Variants in SCD5 observed in about 807,000 individuals in gnomAD.
SCD5 encodes acyl-CoA-desaturase 4.
A neutral mutation model predicts 30.4 loss-of-function variants in SCD5; 20 were observed. That is an observed-to-expected ratio of 0.66 (90% confidence interval 0.46 to 0.96). The LOEUF (loss-of-function observed/expected upper bound fraction) is 0.96. SCD5 is among the 40% of genes least tolerant of loss of function. SCD5 has a pLI of 0.00. For synonymous variants in SCD5, 173 were observed against 176.4 expected, an observed-to-expected ratio of 0.98 and a Z score of 0.16; for missense variants, 381 against 443.3, an observed-to-expected ratio of 0.86 and a Z score of 1.26.
In SCD5 at chr4:82,719,798, C is replaced by T. The variant is rs142329517; in HGVS notation, c.233-14385G>A. Among the ~76,000 whole-genome samples, 1,090 of 150,266 alleles carry T rather than the reference C, an allele frequency of 7.3e-3. 31 individuals carry two copies. The highest frequency in any genetic ancestry group is 0.026 in the African/African-American group (1,035 of 40,346). On this transcript the variant is annotated intron_variant, in intron 1 of 4. Coordinates refer to ENST00000319540, the MANE Select transcript of SCD5 (RefSeq NM_001037582.3). ...GATTACAGGCATGAGCCACCGCGCC[C>T]GGCCATGATTTTCTTCTTTTTGAGA...
chr4:82,798,608 G>C lies in SCD5; in HGVS notation c.-71C>G, dbSNP rs1211708494. 2 of 1,349,066 alleles carry C rather than the reference G, an allele frequency of 1.5e-6. No individual in the cohort carries two copies. The highest frequency in any genetic ancestry group is 2.0e-6 in the Non-Finnish European group (2 of 1,008,452). 83.6% of individuals were successfully genotyped at this position (1,349,066 alleles called of 1,614,324 possible). Reference sequence around the variant, plus strand: ...CTCTGCCCGAGCGGAGCTCGAGGGTGGGGGCGGGGGCTTCTGCCTTTTAGG... The same window carrying C: ...CTCTGCCCGAGCGGAGCTCGAGGGTCGGGGCGGGGGCTTCTGCCTTTTAGG... On this transcript the variant is annotated 5_prime_UTR_variant, in exon 1 of 5. Coordinates refer to ENST00000319540, the MANE Select transcript of SCD5 (RefSeq NM_001037582.3).
chr4:82,649,385 T>G (rs1002810273), intron 3 of SCD5, among the ~76,000 whole-genome samples: 1 of 152,122 alleles, frequency 6.6e-6, no homozygotes, highest in Admixed American at 6.5e-5. Context: ...CCCTAAAGAA[T>G]TTGTAATTAT....
intron 1 of SCD5, among the ~76,000 whole-genome samples, chr4:82,712,941 C>T (rs549027809): frequency 1.3e-5 from 2 of 152,308 alleles, no homozygotes; most frequent in East Asian, 1.9e-4. Context: ...AAAATCAGAA[C>T]ATTTTCAAGG....
At chr4:82,744,775 A>T (rs933565760) in intron 1 of SCD5, among the ~76,000 whole-genome samples, 1 of 152,044 alleles carries the variant, frequency 6.6e-6, no homozygotes, top group African/African-American at 2.4e-5. Context: ...AAGTTATTGC[A>T]TAATCATAGA....
rs1728557382 is a variant in SCD5 at position 82,680,892 on chromosome 4, G to C, written c.384C>G (p.Ser128=). 1.2e-6 allele frequency: 2 copies of C among 1,612,836 alleles called. No homozygotes were observed. The highest frequency in any genetic ancestry group is 8.5e-7 in the Non-Finnish European group (1 of 1,179,948). ...MAFQNDIFEW[S]RDHRAHHKYS... ...ACTTGTGGTGGGCTCGGTGGTCCCT[G>C]GACCACTCGAAGATGTCATTCTGCA... Residue 128 remains serine, a synonymous_variant, in exon 3 of 5, where the codon TCC becomes TCG. Coordinates refer to ENST00000319540, the MANE Select transcript of SCD5 (RefSeq NM_001037582.3).
intron 1 of SCD5, among the ~76,000 whole-genome samples, chr4:82,796,139 G>A (rs13140275): frequency 0.48 from 71,996 of 151,468 alleles, 21,007 homozygotes; most frequent in Admixed American, 0.65. Flanking sequence ...GCGTGGTGGC[G>A]GGCACCTGTA....
At chr4:82,794,947 G>A (rs570148476) in intron 1 of SCD5, among the ~76,000 whole-genome samples, 27 of 152,202 alleles carry the variant, frequency 1.8e-4, no homozygotes, top group East Asian at 5.8e-4. Flanking sequence ...CACCATGCCC[G>A]GCCGCTTTCT....
intron 1 of SCD5, among the ~76,000 whole-genome samples, chr4:82,740,936 T>A (rs980577972): frequency 9.0e-6 from 1 of 111,142 alleles, no homozygotes; most frequent in African/African-American, 5.8e-5. Flanking sequence ...CCCAATTCTT[T>A]TTTTTTTTTT....
chr4:82,697,039 G>A (rs1415096570), intron 2 of SCD5, among the ~76,000 whole-genome samples: 2 of 152,158 alleles, frequency 1.3e-5, no homozygotes, highest in Non-Finnish European at 2.9e-5. Flanking sequence ...AACCTTCTGT[G>A]GTTCTAAGAC....
chr4:82,736,770 T>C (rs1237800755), intron 1 of SCD5, among the ~76,000 whole-genome samples: 6 of 152,004 alleles, frequency 3.9e-5, no homozygotes, highest in Admixed American at 2.0e-4. Context: ...TCAAGAGATC[T>C]TCCCACCTTA....
At chr4:82,684,680 A>G (rs1728658105) in intron 2 of SCD5, among the ~76,000 whole-genome samples, 1 of 152,286 alleles carries the variant, frequency 6.6e-6, no homozygotes, top group South Asian at 2.1e-4. Flanking sequence ...AACCATCTCA[A>G]CCTTGGGAGG....
intron 4 of SCD5, among the ~76,000 whole-genome samples, chr4:82,633,635 CCAA>C (rs1318383784): frequency 6.6e-6 from 1 of 152,202 alleles, no homozygotes; most frequent in African/African-American, 2.4e-5. Context: ...CACATCCTCA[CCAA>C]CACTTGTTAT....
At chr4:82,721,216 C>G (rs947710216) in intron 1 of SCD5, among the ~76,000 whole-genome samples, 1 of 152,050 alleles carries the variant, frequency 6.6e-6, no homozygotes, top group African/African-American at 2.4e-5. Flanking sequence ...AGGACTGCCC[C>G]GTTTCGCAGC....
chr4:82,770,180 C>T (rs531818981), intron 1 of SCD5, among the ~76,000 whole-genome samples: 99 of 107,624 alleles, frequency 9.2e-4, no homozygotes, highest in Non-Finnish European at 1.4e-3. Context: ...GCTATCCTGC[C>T]CCCCTCCCCA....
chr4:82,659,453 C>T (rs1169663735), intron 3 of SCD5, among the ~76,000 whole-genome samples: 2 of 152,150 alleles, frequency 1.3e-5, no homozygotes, highest in African/African-American at 2.4e-5. Flanking sequence ...TTCCTGCTTT[C>T]TCCTGTGGAC....
At chr4:82,760,229 A>G (rs1483308235) in intron 1 of SCD5, among the ~76,000 whole-genome samples, 3 of 152,116 alleles carry the variant, frequency 2.0e-5, no homozygotes, top group Non-Finnish European at 4.4e-5. Flanking sequence ...TAACCTTCAC[A>G]GTCCTGACAA....
intron 1 of SCD5, among the ~76,000 whole-genome samples, chr4:82,781,052 G>A (rs113763089): frequency 0.05 from 7,630 of 152,298 alleles, 268 homozygotes; most frequent in Middle Eastern, 0.085. Flanking sequence ...CCCCCCAGAG[G>A]AGGGCTGGAG....
chr4:82,678,802 TTTTC>T (rs1157575110), intron 3 of SCD5, among the ~76,000 whole-genome samples: 1 of 152,224 alleles, frequency 6.6e-6, no homozygotes, highest in Non-Finnish European at 1.5e-5. Context: ...CTGTGAATGA[TTTTC>T]TTTCTACTTC....
chr4:82,693,924 G>A (rs934270840), intron 2 of SCD5, among the ~76,000 whole-genome samples: 19 of 152,222 alleles, frequency 1.2e-4, no homozygotes, highest in Admixed American at 1.2e-3. Flanking sequence ...GATGCCCATC[G>A]TCCAGGATAC....
Sources: gnomAD v4.1 joint callset for allele counts (sites outside exome capture counted in the v4.1 genomes callset) on GRCh38, gnomAD v4.1.1 for gene constraint, MANE v1.5 for transcripts, NCBI Gene and HGNC (gene_info 2026-07-23, HGNC 2026-07-21) for gene names.